TBL1XR1: variants seen among roughly 807,000 people sequenced by gnomAD.
The protein encoded by TBL1XR1 is TBL1X/Y related 1.
Under a neutral mutation model 66.9 loss-of-function variants are expected in TBL1XR1, and 5 were observed. The ratio of observed to expected loss-of-function variants is 0.07; its 90% CI spans 0.04 to 0.16. TBL1XR1 has a LOEUF of 0.16. TBL1XR1 is among the 10% of genes least tolerant of loss of function. TBL1XR1 has a pLI of 1.00. For missense variants in TBL1XR1, 238 were observed against 623.2 expected (o/e 0.38, Z 6.58); for synonymous variants, 210 against 206.0 (o/e 1.02, Z -0.17).
At chr3:177,162,107 C>T (rs780726082) in intron 1 of TBL1XR1, among the ~76,000 whole-genome samples, 14 of 152,242 alleles carry the variant, frequency 9.2e-5, no homozygotes, top group Middle Eastern at 3.4e-3. Context: ...TTCTAATACA[C>T]CAAAAAGATG....
At chr3:177,146,178 ATC>A (rs1730214940) in intron 1 of TBL1XR1, among the ~76,000 whole-genome samples, 1 of 152,152 alleles carries the variant, frequency 6.6e-6, no homozygotes, top group Non-Finnish European at 1.5e-5. Flanking sequence ...AGGTTTCTCT[ATC>A]TCTACAAACA....
At chr3:177,048,095 T>A (rs889522510) in intron 7 of TBL1XR1, among the ~76,000 whole-genome samples, 2 of 152,102 alleles carry the variant, frequency 1.3e-5, no homozygotes, top group African/African-American at 4.8e-5. Flanking sequence ...CTTCCCACTA[T>A]GAAATATTTG....
In TBL1XR1 at chr3:177,172,722, G is replaced by GAGCCA. The variant is rs1386618803; in HGVS notation, c.-122+24394_-122+24398dup. Among the ~76,000 whole-genome samples the GAGCCA allele has an allele frequency of 4.6e-4, 70 of 150,828 alleles. 1 individual carries two copies. The highest frequency in any genetic ancestry group is 1.1e-3 in the African/African-American group (47 of 41,238). ...GGAGAGGGAAGAGAAGAGCCAAGCC[G>GAGCCA]AGCCAAGCCAAGCCAAGCCATAGTA... On this transcript the variant is annotated intron_variant, in intron 1 of 15. Coordinates refer to ENST00000457928, the MANE Select transcript of TBL1XR1 (RefSeq NM_024665.7).
chr3:177,036,781 T>A (rs1287094925), intron 12 of TBL1XR1, among the ~76,000 whole-genome samples: 1 of 152,186 alleles, frequency 6.6e-6, no homozygotes, highest in African/African-American at 2.4e-5. Context: ...TTAAATTTAA[T>A]CTGTTCATAG....
intron 10 of TBL1XR1, among the ~76,000 whole-genome samples, chr3:177,039,062 C>T (rs949234735): frequency 6.6e-6 from 1 of 152,064 alleles, no homozygotes. Flanking sequence ...TTACTTCATG[C>T]ACAAAACTAG....
At chr3:177,124,911 C>A (rs1303120955) in intron 1 of TBL1XR1, among the ~76,000 whole-genome samples, 1 of 151,712 alleles carries the variant, frequency 6.6e-6, no homozygotes, top group Non-Finnish European at 1.5e-5. Context: ...TACTTCACAC[C>A]ATATAAAAAA....
intron 3 of TBL1XR1, among the ~76,000 whole-genome samples, chr3:177,054,931 T>G (rs1232852482): frequency 6.6e-6 from 1 of 152,126 alleles, no homozygotes; most frequent in Non-Finnish European, 1.5e-5. Context: ...AAGGTAAAAT[T>G]CTAAGAAGCT....
At chr3:177,082,852 T>C (rs1721605422) in intron 2 of TBL1XR1, among the ~76,000 whole-genome samples, 1 of 147,208 alleles carries the variant, frequency 6.8e-6, no homozygotes, top group Non-Finnish European at 1.5e-5. Flanking sequence ...ACCTCCCAGG[T>C]TCACGCCATT....
In TBL1XR1 at chr3:177,038,646, C is replaced by A. The variant is rs922982728; in HGVS notation, c.926-212G>T. ...TCAATTTAGTTATTTCTAGGTGAGA[C>A]AGACCCTAAGAGAAAGTACACTGGC... On this transcript the variant is annotated intron_variant, in intron 10 of 15. Transcript: ENST00000457928. 1.3e-4 allele frequency among the ~76,000 whole-genome samples: 20 copies of A among 152,244 alleles called. No homozygotes were observed. The highest frequency in any genetic ancestry group is 4.8e-4 in the African/African-American group (20 of 41,550).
At chr3:177,174,160 T>TC (rs1001916784) in intron 1 of TBL1XR1, among the ~76,000 whole-genome samples, 1 of 152,092 alleles carries the variant, frequency 6.6e-6, no homozygotes, top group African/African-American at 2.4e-5. Flanking sequence ...ACGCCTGTAC[T>TC]CCCAGCACTT....
intron 3 of TBL1XR1, among the ~76,000 whole-genome samples, chr3:177,061,968 T>A (rs575287884): frequency 4.6e-5 from 7 of 152,316 alleles, no homozygotes; most frequent in African/African-American, 1.7e-4. Flanking sequence ...TATGGGCATT[T>A]GTTATGAGTG....
At chr3:177,042,279 A>C (rs567217058) in intron 10 of TBL1XR1, among the ~76,000 whole-genome samples, 1 of 152,220 alleles carries the variant, frequency 6.6e-6, no homozygotes, top group Non-Finnish European at 1.5e-5. Flanking sequence ...ATTAGAAGAC[A>C]GTTAAAGATA....
intron 1 of TBL1XR1, among the ~76,000 whole-genome samples, chr3:177,099,957 A>G (rs915553321): frequency 5.9e-5 from 9 of 152,244 alleles, no homozygotes; most frequent in Admixed American, 3.3e-4. Flanking sequence ...AACACATACA[A>G]GAAGTCAGGC....
At chr3:177,071,077 C>T (rs973578108) in intron 2 of TBL1XR1, among the ~76,000 whole-genome samples, 14 of 123,570 alleles carry the variant, frequency 1.1e-4, no homozygotes, top group Non-Finnish European at 1.3e-4. Flanking sequence ...GTTGCCCAGG[C>T]TAGAGTGTGG....
intron 2 of TBL1XR1, among the ~76,000 whole-genome samples, chr3:177,087,290 C>CTTTAA (rs1722262487): frequency 6.6e-6 from 1 of 151,524 alleles, no homozygotes; most frequent in Non-Finnish European, 1.5e-5. Context: ...TTTAAAGTAC[C>CTTTAA]TCTATGTAAT....
At chr3:177,078,220 T>C (rs1720928851) in intron 2 of TBL1XR1, among the ~76,000 whole-genome samples, 1 of 152,228 alleles carries the variant, frequency 6.6e-6, no homozygotes, top group Admixed American at 6.5e-5. Context: ...CTGTATCTTA[T>C]AAGGCACCTA....
At chr3:177,182,119 C>T (rs561528803) in intron 1 of TBL1XR1, among the ~76,000 whole-genome samples, 19 of 152,316 alleles carry the variant, frequency 1.2e-4, no homozygotes, top group African/African-American at 4.1e-4. Context: ...CCCAGTGGCT[C>T]ATGCCTATTG....
At position 177,023,414 on chromosome 3, in the gene TBL1XR1, T is replaced by TA. The variant is rs1260920831; in HGVS notation, c.*2083dup. 6 of 152,562 alleles carry TA rather than the reference T, an allele frequency of 3.9e-5. No homozygotes were observed. The highest frequency in any genetic ancestry group is 1.2e-4 in the African/African-American group (5 of 41,450). The allele number at this position is 152,562 out of a possible 1,614,324, so 9.5% of individuals were successfully genotyped here. A position where few individuals can be genotyped will look rare whatever the true frequency, so the allele number is the denominator to read the frequency against. On this transcript the variant is annotated 3_prime_UTR_variant, in exon 16 of 16. Transcript: ENST00000457928. ...TAAAAGCAGGAATTCAAGTGCCAGA[T>TA]ACTCAGCATATTAGGTTTCCTACGT...
chr3:177,177,306 C>T (rs1199386460), intron 1 of TBL1XR1, among the ~76,000 whole-genome samples: 7 of 151,930 alleles, frequency 4.6e-5, no homozygotes, highest in Non-Finnish European at 8.8e-5. Flanking sequence ...AAAAATTAAC[C>T]GGGTGTGGTG....
Sources: allele counts gnomAD v4.1 joint callset (sites outside exome capture counted in the v4.1 genomes callset), GRCh38; gene constraint gnomAD v4.1.1; transcripts MANE v1.5; gene names NCBI Gene and HGNC (gene_info 2026-07-23, HGNC 2026-07-21).